Variants in PARVA observed in about 807,000 individuals in gnomAD.
PARVA encodes alpha-parvin.
In PARVA, 25 loss-of-function variants were observed where a neutral mutation model predicts 52.6. The ratio of observed to expected loss-of-function variants is 0.48; its 90% CI spans 0.35 to 0.66. PARVA has a LOEUF of 0.66. Ranked by LOEUF, PARVA falls within the 30% of genes least tolerant of loss-of-function variation. The pLI, the probability that PARVA is intolerant of heterozygous loss-of-function variation, is 0.01. For missense variants in PARVA, 373 were observed against 450.9 expected (o/e 0.83, Z 1.56); for synonymous variants, 185 against 179.1 (o/e 1.03, Z -0.26).
At position 12,534,081 on chromosome 11, in the gene PARVA, T is replaced by C. The variant is rs1222166179; in HGVS notation, c.*6156T>C. On this transcript the variant is annotated 3_prime_UTR_variant, in exon 13 of 13. Transcript: ENST00000334956. ...TACTCAGGGGGCTGAGGCAGAAGTATTGCTTGAACCCAGGAGGCAGAGGTT... is the reference window on the plus strand; with the variant it reads ...TACTCAGGGGGCTGAGGCAGAAGTACTGCTTGAACCCAGGAGGCAGAGGTT... Among the ~76,000 whole-genome samples the C allele has an allele frequency of 2.0e-5, 3 of 152,104 alleles. No individual in the cohort carries two copies. The highest frequency in any genetic ancestry group is 7.2e-5 in the African/African-American group (3 of 41,406).
At chr11:12,503,457 C>T (rs920597422) in intron 5 of PARVA, among the ~76,000 whole-genome samples, 3 of 151,990 alleles carry the variant, frequency 2.0e-5, no homozygotes, top group Non-Finnish European at 2.9e-5. Context: ...GAGAGCTGAT[C>T]TGAGCTCAGA....
chr11:12,514,072 G>A lies in PARVA; in HGVS notation c.867+7G>A. Reference sequence around the variant, plus strand: ...CACAGAACTGGAAACCCAGGTGGGTGACAGACCCCAGCACAGGTAGAGGCA... The same window carrying A: ...CACAGAACTGGAAACCCAGGTGGGTAACAGACCCCAGCACAGGTAGAGGCA... On this transcript the variant is annotated splice_region_variant and intron_variant, in intron 10 of 12. Transcript: ENST00000334956. 6.2e-7 allele frequency: 1 copy of A among 1,611,558 alleles called. No homozygotes were observed. Among genetic ancestry groups the A allele is most frequent in the Non-Finnish European group, 8.5e-7 (1 of 1,177,726 alleles).
At chr11:12,409,109 A>G (rs866997395) in intron 1 of PARVA, among the ~76,000 whole-genome samples, 3 of 152,362 alleles carry the variant, frequency 2.0e-5, no homozygotes, top group Middle Eastern at 6.8e-3. Context: ...TCCTAAGGAC[A>G]TATGGAAAGT....
chr11:12,412,357 G>A (rs1036358486), intron 1 of PARVA, among the ~76,000 whole-genome samples: 1 of 152,228 alleles, frequency 6.6e-6, no homozygotes, highest in African/African-American at 2.4e-5. Context: ...AAAATGGGGT[G>A]CCCCAGTGGA....
At chr11:12,467,843 A>C (rs1940875158) in intron 1 of PARVA, among the ~76,000 whole-genome samples, 1 of 152,060 alleles carries the variant, frequency 6.6e-6, no homozygotes, top group Non-Finnish European at 1.5e-5. Context: ...TGGTTCAGGG[A>C]ATGTGGAGAA....
intron 1 of PARVA, among the ~76,000 whole-genome samples, chr11:12,469,127 A>G (rs370813112): frequency 2.0e-5 from 3 of 152,196 alleles, no homozygotes; most frequent in Non-Finnish European, 4.4e-5. Flanking sequence ...TATGTACAGA[A>G]TTGTTTTATA....
chr11:12,408,144 C>T (rs1246052084), intron 1 of PARVA, among the ~76,000 whole-genome samples: 1 of 152,192 alleles, frequency 6.6e-6, no homozygotes, highest in Non-Finnish European at 1.5e-5. Flanking sequence ...CACATGCCCC[C>T]ACCCCGACCT....
chr11:12,477,698 CA>C (rs1165011562), intron 3 of PARVA, 148 bp from the exon 4 acceptor site: 2 of 567,098 alleles, frequency 3.5e-6, no homozygotes, highest in Admixed American at 2.9e-5. Context: ...GCCTAGGCAA[CA>C]TAGTGAGACC....
intron 1 of PARVA, among the ~76,000 whole-genome samples, chr11:12,430,294 A>G (rs6485736): frequency 0.29 from 43,837 of 152,090 alleles, 8,233 homozygotes; most frequent in East Asian, 0.54. Context: ...CTTTCTCAGT[A>G]TAATTTACTT....
intron 5 of PARVA, among the ~76,000 whole-genome samples, chr11:12,500,728 T>G (rs1295018041): frequency 6.6e-6 from 1 of 151,648 alleles, no homozygotes; most frequent in Non-Finnish European, 1.5e-5. Context: ...GAGGCGGAGC[T>G]TGCAGTGAGC....
At chr11:12,497,918 C>T (rs1941318631) in intron 5 of PARVA, among the ~76,000 whole-genome samples, 1 of 152,126 alleles carries the variant, frequency 6.6e-6, no homozygotes, top group South Asian at 2.1e-4. Flanking sequence ...ATCTCCCGCT[C>T]CTTTGAATAG....
Position 12,477,948 on chromosome 11 carries a change from C to A in PARVA, c.399C>A (p.Phe133Leu). ...LYDGQVLQKL[F>L]EKLESEKLNV... ...ATGGACAAGTCCTGCAGAAGCTTTTCGGTAGGAGAGTTGAGTGCTGCAATG... is the reference window on the plus strand; with the variant it reads ...ATGGACAAGTCCTGCAGAAGCTTTTAGGTAGGAGAGTTGAGTGCTGCAATG... The change falls in exon 4 of 13, where the codon TTC (phenylalanine) becomes TTA (leucine). Residue 133 changes from phenylalanine (F) to leucine (L), a missense_variant and splice_region_variant. Transcript: ENST00000334956. 3.8e-6 allele frequency: 6 copies of A among 1,566,428 alleles called. No homozygotes were observed. The highest frequency in any genetic ancestry group is 5.3e-6 in the Non-Finnish European group (6 of 1,136,720).
chr11:12,434,361 C>T (rs1026175654), intron 1 of PARVA, among the ~76,000 whole-genome samples: 4 of 152,140 alleles, frequency 2.6e-5, no homozygotes, highest in South Asian at 2.1e-4. Context: ...CTGCAGGTCC[C>T]GCCTGCTGGG....
intron 1 of PARVA, among the ~76,000 whole-genome samples, chr11:12,427,862 C>A (rs1940260484): frequency 6.6e-6 from 1 of 152,200 alleles, no homozygotes; most frequent in Non-Finnish European, 1.5e-5. Flanking sequence ...GATGAGGAAG[C>A]CTGTTCCCGA....
chr11:12,377,619 G>T lies in PARVA; in HGVS notation c.-29G>T, dbSNP rs376147149. ...CCGCCCAGCGCCAGCTCCGCGTCCC[G>T]ACCGGCCCGCGGCAGCCTGCGCCGC... On this transcript the variant is annotated 5_prime_UTR_variant, in exon 1 of 13. Coordinates refer to ENST00000334956, the MANE Select transcript of PARVA (RefSeq NM_018222.5). 9.6e-6 allele frequency: 15 copies of T among 1,559,286 alleles called. No individual in the cohort carries two copies. The highest frequency in any genetic ancestry group is 1.3e-5 in the Non-Finnish European group (15 of 1,159,024).
At chr11:12,384,067 T>C (rs979256471) in intron 1 of PARVA, among the ~76,000 whole-genome samples, 8 of 152,136 alleles carry the variant, frequency 5.3e-5, no homozygotes, top group Non-Finnish European at 2.9e-5. Flanking sequence ...CCTAGTCCCT[T>C]CCAAGGAGGT....
rs1158892971 is a variant in PARVA at position 12,528,116 on chromosome 11, C to A, written c.*191C>A. The A allele has an allele frequency of 3.5e-6, 2 of 578,152 alleles. No individual in the cohort carries two copies. The highest frequency in any genetic ancestry group is 3.7e-5 in the African/African-American group (2 of 54,090). The allele number at this position is 578,152 out of a possible 1,614,324, so 35.8% of individuals were successfully genotyped here. A position where few individuals can be genotyped will look rare whatever the true frequency, so the allele number is the denominator to read the frequency against. ...CAATAACTCAGTGGGCTGACCCATC[C>A]CTCCCAGGCGCTGGGGACCAACCTA... On this transcript the variant is annotated 3_prime_UTR_variant, in exon 13 of 13. Transcript: ENST00000334956.
chr11:12,477,779 T>C, intron 3 of PARVA, 68 bp from the exon 4 acceptor site: 1 of 820,396 alleles, frequency 1.2e-6, no homozygotes, highest in Non-Finnish European at 2.1e-6. Flanking sequence ...ATAAGAAAGC[T>C]GGTCTGTAAG....
In PARVA at chr11:12,477,823, C is replaced by A. The variant is rs745839289; in HGVS notation, c.298-24C>A. 3 of 1,233,424 alleles carry A rather than the reference C, an allele frequency of 2.4e-6. No homozygotes were observed. In the East Asian group the frequency reaches 6.9e-5, roughly 29 times the overall value. The allele number at this position is 1,233,424 out of a possible 1,614,324, so 76.4% of individuals were successfully genotyped here. ...CCATAACTCTTTTCTTACTATTGCA[C>A]ATTCCCTTTCTCTCTCTCTGTAGGT... On this transcript the variant is annotated intron_variant, in intron 3 of 12. Transcript: ENST00000334956.
Sources: gnomAD v4.1 joint callset for allele counts (sites outside exome capture counted in the v4.1 genomes callset) on GRCh38, gnomAD v4.1.1 for gene constraint, MANE v1.5 for transcripts, NCBI Gene and HGNC (gene_info 2026-07-23, HGNC 2026-07-21) for gene names.